MEI4: variants seen among roughly 807,000 people sequenced by gnomAD.
The protein encoded by MEI4 is meiotic double-stranded break formation protein 4.
MEI4 carries 27 observed loss-of-function variants against 31.4 expected under a neutral mutation model. The observed-to-expected ratio is 0.86, with a 90% CI of 0.63 to 1.19. The LOEUF is 1.19. Ranked by LOEUF, MEI4 falls within the 50% of genes most tolerant of loss-of-function variation. The pLI is 0.00. For missense variants in MEI4, 329 were observed against 398.9 expected (o/e 0.82, Z 1.49); for synonymous variants, 122 against 145.4 (o/e 0.84, Z 1.16).
intron 3 of MEI4, among the ~76,000 whole-genome samples, chr6:77,797,778 G>A (rs1769120509): frequency 6.6e-6 from 1 of 152,084 alleles, no homozygotes; most frequent in African/African-American, 2.4e-5. Context: ...GTAGCTGACT[G>A]GATGGTGCCC....
intron 1 of MEI4, among the ~76,000 whole-genome samples, chr6:77,682,487 GA>G (rs1768977242): frequency 6.6e-6 from 1 of 152,190 alleles, no homozygotes; most frequent in Admixed American, 6.5e-5. Flanking sequence ...AAATAGTGAA[GA>G]AAGGATGTCT....
chr6:77,698,815 G>T (rs1350516139), intron 2 of MEI4, among the ~76,000 whole-genome samples: 2 of 152,132 alleles, frequency 1.3e-5, no homozygotes, highest in Non-Finnish European at 2.9e-5. Flanking sequence ...ACGTTGGCCT[G>T]CCTTGCTAGA....
At chr6:77,801,309 G>T (rs1165223079) in intron 3 of MEI4, among the ~76,000 whole-genome samples, 1 of 152,160 alleles carries the variant, frequency 6.6e-6, no homozygotes, top group African/African-American at 2.4e-5. Flanking sequence ...TCTGATGGTA[G>T]TTTGTATTTC....
intron 2 of MEI4, among the ~76,000 whole-genome samples, chr6:77,711,106 G>C (rs1399254323): frequency 7.7e-6 from 1 of 129,278 alleles, no homozygotes; most frequent in Non-Finnish European, 1.8e-5. Context: ...GGGGAGAATA[G>C]AGAGATGTTG....
intron 3 of MEI4, among the ~76,000 whole-genome samples, chr6:77,815,944 G>T (rs1769679165): frequency 6.6e-6 from 1 of 151,536 alleles, no homozygotes; most frequent in African/African-American, 2.4e-5. Flanking sequence ...CTTATAGGCA[G>T]AGGGTTATAT....
chr6:77,771,083 A>C (rs1347242989), intron 3 of MEI4, among the ~76,000 whole-genome samples: 1 of 152,176 alleles, frequency 6.6e-6, no homozygotes, highest in Non-Finnish European at 1.5e-5. Flanking sequence ...ACTTAAACAA[A>C]TTTACAAACA....
intron 4 of MEI4, among the ~76,000 whole-genome samples, chr6:77,868,695 T>G (rs998713422): frequency 1.3e-5 from 2 of 151,550 alleles, no homozygotes; most frequent in Non-Finnish European, 2.9e-5. Context: ...TAAGAAGCCA[T>G]ATCTAAACTT....
chr6:77,895,793 GCAGA>G (rs1766072098), intron 4 of MEI4, among the ~76,000 whole-genome samples: 1 of 152,090 alleles, frequency 6.6e-6, no homozygotes, highest in African/African-American at 2.4e-5. Flanking sequence ...CTAGAGCAAT[GCAGA>G]CAGACACGTA....
At chr6:77,665,644 A>G (rs1181341688) in intron 1 of MEI4, among the ~76,000 whole-genome samples, 7 of 152,180 alleles carry the variant, frequency 4.6e-5, no homozygotes, top group Admixed American at 3.9e-4. Context: ...TGTCCCTGCA[A>G]TGATTAAACA....
intron 2 of MEI4, among the ~76,000 whole-genome samples, chr6:77,743,507 T>A (rs1055003063): frequency 3.3e-5 from 5 of 152,276 alleles, no homozygotes; most frequent in South Asian, 2.1e-4. Flanking sequence ...CTTATCAGCT[T>A]AAGGAGATTT....
chr6:77,782,410 A>G (rs893821956), intron 3 of MEI4, among the ~76,000 whole-genome samples: 4 of 152,188 alleles, frequency 2.6e-5, no homozygotes, highest in African/African-American at 9.6e-5. Context: ...TATATAAAAA[A>G]TTACACATAC....
intron 4 of MEI4, among the ~76,000 whole-genome samples, chr6:77,907,531 C>A (rs560924507): frequency 1.4e-4 from 21 of 151,988 alleles, no homozygotes; most frequent in African/African-American, 4.6e-4. Context: ...TTAATCCAGT[C>A]TATCATTGTT....
chr6:77,782,289 C>T (rs73760047), intron 3 of MEI4, among the ~76,000 whole-genome samples: 190 of 152,194 alleles, frequency 1.2e-3, no homozygotes, highest in African/African-American at 4.5e-3. Flanking sequence ...TCTTCATTAT[C>T]AGCCTATAAG....
chr6:77,924,355 A>C lies in MEI4; in HGVS notation c.*1009A>C, dbSNP rs1766793920. The stretch of plus-strand genomic sequence containing the variant: ...TCTACAATGTATATACAATTATGTC[A>C]TCTGGCACAAACAATTATCTTTGGA... On this transcript the variant is annotated 3_prime_UTR_variant, in exon 5 of 5. Coordinates refer to ENST00000684080, the MANE Select transcript of MEI4 (RefSeq NM_001322247.2). The C allele has an allele frequency of 6.6e-6, 1 of 151,914 alleles. No individual in the cohort carries two copies. The highest frequency in any genetic ancestry group is 1.5e-5 in the Non-Finnish European group (1 of 67,920). 9.4% of individuals were successfully genotyped at this position (151,914 alleles called of 1,614,324 possible).
chr6:77,822,612 A>T (rs1430668366), intron 3 of MEI4, among the ~76,000 whole-genome samples: 1 of 138,678 alleles, frequency 7.2e-6, no homozygotes, highest in African/African-American at 2.6e-5. Context: ...GCATTTGGAT[A>T]CCCCCCCCCC....
intron 2 of MEI4, among the ~76,000 whole-genome samples, chr6:77,695,156 G>A (rs1242339330): frequency 2.6e-5 from 4 of 152,082 alleles, no homozygotes; most frequent in Non-Finnish European, 5.9e-5. Flanking sequence ...GTAGATTCTG[G>A]ATATTAGCCC....
chr6:77,817,945 A>G (rs970272525), intron 3 of MEI4, among the ~76,000 whole-genome samples: 1 of 152,050 alleles, frequency 6.6e-6, no homozygotes, highest in Admixed American at 6.6e-5. Flanking sequence ...ACTGTCCATT[A>G]TTTGTTTTTT....
chr6:77,684,733 A>G lies in MEI4; in HGVS notation c.-14-5925A>G, dbSNP rs117445348. 2.0e-4 allele frequency among the ~76,000 whole-genome samples: 31 copies of G among 152,188 alleles called. No homozygotes were observed. In the East Asian group the frequency reaches 5.4e-3, roughly 27 times the overall value. On this transcript the variant is annotated intron_variant, in intron 1 of 4. Transcript: ENST00000684080. ...GTACTCCATTGTGTATATGTACCACATTTTCTTTTAACATTAATCTGTTGA... is the reference window on the plus strand; with the variant it reads ...GTACTCCATTGTGTATATGTACCACGTTTTCTTTTAACATTAATCTGTTGA...
chr6:77,857,346 A>G (rs1770770354), intron 4 of MEI4, among the ~76,000 whole-genome samples: 1 of 152,210 alleles, frequency 6.6e-6, no homozygotes, highest in Non-Finnish European at 1.5e-5. Flanking sequence ...TGATGAATTC[A>G]CTGGGGAAAG....
Sources: gnomAD v4.1 joint callset for allele counts (sites outside exome capture counted in the v4.1 genomes callset) on GRCh38, gnomAD v4.1.1 for gene constraint, MANE v1.5 for transcripts, NCBI Gene and HGNC (gene_info 2026-07-23, HGNC 2026-07-21) for gene names.